The following NRXN1 variants were observed in gnomAD, a reference collection of about 807,000 sequenced individuals.
NRXN1 encodes neurexin 1, also known as neurexin-1.
NRXN1 carries 39 observed loss-of-function variants against 150.9 expected under a neutral mutation model. That is an observed-to-expected ratio of 0.26 (90% CI 0.20 to 0.34). The LOEUF (loss-of-function observed/expected upper bound fraction) is 0.34. NRXN1 is among the 10% of genes least tolerant of loss of function. The probability of loss-of-function intolerance (pLI) is 1.00; values close to 1 mark genes in which losing one functional copy is unlikely to be tolerated. For synonymous variants in NRXN1, 924 were observed against 757.0 expected (o/e 1.22, Z -3.62); for missense variants, 1,815 against 1,949.9 (o/e 0.93, Z 1.30).
chr2:50,784,755 C>A (rs183143715), intron 5 of NRXN1, among the ~76,000 whole-genome samples: 35 of 152,000 alleles, frequency 2.3e-4, no homozygotes, highest in Non-Finnish European at 3.7e-4. Flanking sequence ...AATTAGGGAG[C>A]TAATGAAAGA....
At chr2:50,581,574 G>A (rs1413897662) in intron 8 of NRXN1, among the ~76,000 whole-genome samples, 1 of 152,138 alleles carries the variant, frequency 6.6e-6, no homozygotes, top group Non-Finnish European at 1.5e-5. Context: ...AGAGTTTTCT[G>A]TGATAATTTT....
chr2:50,228,990 T>A (rs2064681336), intron 18 of NRXN1, among the ~76,000 whole-genome samples: 1 of 151,976 alleles, frequency 6.6e-6, no homozygotes, highest in South Asian at 2.1e-4. Flanking sequence ...CTAAAGTAAC[T>A]CCTAGAGACA....
At chr2:50,298,396 T>C (rs2073833117) in intron 17 of NRXN1, among the ~76,000 whole-genome samples, 1 of 152,208 alleles carries the variant, frequency 6.6e-6, no homozygotes, top group Admixed American at 6.5e-5. Flanking sequence ...GACAGCTTTT[T>C]TCTTGAACAC....
At chr2:49,942,821 G>A (rs1672236539) in intron 22 of NRXN1, among the ~76,000 whole-genome samples, 1 of 152,088 alleles carries the variant, frequency 6.6e-6, no homozygotes, top group Non-Finnish European at 1.5e-5. Context: ...TGTTGGCCAG[G>A]GTGGTCTCAA....
intron 18 of NRXN1, among the ~76,000 whole-genome samples, chr2:50,235,288 T>C (rs1022529865): frequency 1.3e-5 from 2 of 152,150 alleles, no homozygotes; most frequent in Non-Finnish European, 2.9e-5. Flanking sequence ...CATTTATTTA[T>C]GATGCCATAA....
At chr2:50,454,099 G>A (rs920870704) in intron 17 of NRXN1, among the ~76,000 whole-genome samples, 1 of 152,092 alleles carries the variant, frequency 6.6e-6, no homozygotes, top group African/African-American at 2.4e-5. Context: ...GCCGAGGTGG[G>A]CAGATCACTT....
At chr2:50,332,256 T>C (rs2076884499) in intron 17 of NRXN1, among the ~76,000 whole-genome samples, 1 of 152,180 alleles carries the variant, frequency 6.6e-6, no homozygotes, top group Non-Finnish European at 1.5e-5. Context: ...GAACATATTA[T>C]TGCTTCTGTG....
intron 18 of NRXN1, among the ~76,000 whole-genome samples, chr2:50,177,788 TCTCTC>T (rs2060445078): frequency 6.8e-6 from 1 of 147,158 alleles, no homozygotes; most frequent in Non-Finnish European, 1.5e-5. Context: ...TCTCTCTCTC[TCTCTC>T]TCTCTCTCTC....
At chr2:50,634,234 G>T (rs1682876230) in intron 5 of NRXN1, among the ~76,000 whole-genome samples, 1 of 152,212 alleles carries the variant, frequency 6.6e-6, no homozygotes, top group African/African-American at 2.4e-5. Context: ...TGTCTATTGT[G>T]TGGAAAATAA....
chr2:50,021,955 A>G (rs1386807871), intron 21 of NRXN1, among the ~76,000 whole-genome samples: 1 of 152,164 alleles, frequency 6.6e-6, no homozygotes, highest in Non-Finnish European at 1.5e-5. Flanking sequence ...GGTTCAAGAG[A>G]TTCTCCTGTC....
At chr2:49,949,754 C>G (rs1219357057) in intron 21 of NRXN1, among the ~76,000 whole-genome samples, 1 of 151,684 alleles carries the variant, frequency 6.6e-6, no homozygotes, top group Non-Finnish European at 1.5e-5. Context: ...CATTATTTAG[C>G]CTAATATTTA....
chr2:50,369,084 C>T (rs559269837), intron 17 of NRXN1, among the ~76,000 whole-genome samples: 3 of 151,974 alleles, frequency 2.0e-5, no homozygotes, highest in South Asian at 2.1e-4. Context: ...AATAACTCAT[C>T]GCCAAGTACC....
intron 5 of NRXN1, among the ~76,000 whole-genome samples, chr2:50,693,645 A>G (rs917544843): frequency 6.6e-6 from 1 of 152,222 alleles, no homozygotes; most frequent in Non-Finnish European, 1.5e-5. Context: ...CTAACTGCAA[A>G]GGAAAATATG....
At chr2:50,665,657 C>T (rs955762647) in intron 5 of NRXN1, among the ~76,000 whole-genome samples, 20 of 151,930 alleles carry the variant, frequency 1.3e-4, no homozygotes, top group African/African-American at 4.8e-4. Flanking sequence ...AACAACACAG[C>T]GTATAAAATG....
chr2:50,370,968 A>T (rs989054205), intron 17 of NRXN1, among the ~76,000 whole-genome samples: 1 of 152,020 alleles, frequency 6.6e-6, no homozygotes, highest in Admixed American at 6.6e-5. Flanking sequence ...AGTATCTGAG[A>T]TACTAAGGAA....
At chr2:50,104,633 G>A (rs979073436) in intron 18 of NRXN1, among the ~76,000 whole-genome samples, 8 of 152,046 alleles carry the variant, frequency 5.3e-5, no homozygotes, top group South Asian at 2.1e-4. Context: ...GCAATAATAC[G>A]TATGAATATA....
At chr2:50,399,901 A>C (rs1037523784) in intron 17 of NRXN1, among the ~76,000 whole-genome samples, 2 of 147,750 alleles carry the variant, frequency 1.4e-5, no homozygotes, top group Non-Finnish European at 3.0e-5. Context: ...TTAATAAATA[A>C]ATATAATAAG....
intron 17 of NRXN1, among the ~76,000 whole-genome samples, chr2:50,266,815 C>G (rs961004863): frequency 6.6e-6 from 1 of 152,026 alleles, no homozygotes; most frequent in African/African-American, 2.4e-5. Context: ...CAAAAAGATA[C>G]GTTTGGTATT....
chr2:50,245,055 G>C (rs1164882406), intron 17 of NRXN1, among the ~76,000 whole-genome samples: 2 of 151,822 alleles, frequency 1.3e-5, no homozygotes, highest in East Asian at 3.9e-4. Context: ...GCAATAAGTG[G>C]TCCACTTAGT....
Sources: allele counts gnomAD v4.1 joint callset (sites outside exome capture counted in the v4.1 genomes callset), GRCh38; gene constraint gnomAD v4.1.1; transcripts MANE v1.5; gene names NCBI Gene and HGNC (gene_info 2026-07-23, HGNC 2026-07-21).